TIPIN: variants seen among roughly 807,000 people sequenced by gnomAD.
TIPIN encodes TIMELESS interacting protein.
In TIPIN, 29 loss-of-function variants were observed where a neutral mutation model predicts 35.6. That is an observed-to-expected ratio of 0.82 (90% CI 0.61 to 1.11). The LOEUF (loss-of-function observed/expected upper bound fraction) is 1.11, where lower values mean the gene tolerates loss of function less well. Among genes scored for constraint, TIPIN ranks in the 50% most tolerant of loss-of-function variants. The pLI, the probability that TIPIN is intolerant of heterozygous loss-of-function variation, is 0.00. For missense variants in TIPIN, 296 were observed against 345.4 expected (o/e 0.86, Z 1.13); for synonymous variants, 102 against 121.5 (o/e 0.84, Z 1.06).
At chr15:66,355,843 T>A (rs573273412) in intron 1 of TIPIN, among the ~76,000 whole-genome samples, 177 of 152,300 alleles carry the variant, frequency 1.2e-3, no homozygotes, top group Admixed American at 3.1e-3. Flanking sequence ...CCTTTGAGGC[T>A]GACAGCGAGC....
At chr15:66,346,953 G>A (rs959872030) in intron 6 of TIPIN, among the ~76,000 whole-genome samples, 10 of 151,812 alleles carry the variant, frequency 6.6e-5, no homozygotes, top group Admixed American at 1.3e-4. Flanking sequence ...CACCACACCC[G>A]GCTAATTTTT....
At chr15:66,370,939 G>A (rs1011845703) in intron 1 of TIPIN, among the ~76,000 whole-genome samples, 5 of 152,148 alleles carry the variant, frequency 3.3e-5, no homozygotes, top group East Asian at 3.9e-4. Context: ...GGCCAGGCGC[G>A]GTGGCTCACA....
chr15:66,373,750 T>G (rs926269803), intron 1 of TIPIN, among the ~76,000 whole-genome samples: 4 of 152,106 alleles, frequency 2.6e-5, no homozygotes, highest in Non-Finnish European at 5.9e-5. Context: ...CAGGGTAGAG[T>G]GGAGTGCAAT....
rs1054482227 is a variant in TIPIN at position 66,379,138 on chromosome 15, C to G, written c.-9+7469G>C. The G allele has an allele frequency of 7.6e-6, 5 of 657,896 alleles. No individual in the cohort carries two copies. In the African/African-American group the frequency reaches 9.2e-5, roughly 12 times the overall value. 40.8% of individuals were successfully genotyped at this position (657,896 alleles called of 1,614,324 possible). On this transcript the variant is annotated intron_variant, in intron 1 of 7. Coordinates refer to the TIPIN transcript ENST00000562124. ...TCCTGGCGTTAAGCAATTGTCCCGC[C>G]TCTGCCTCCCAAAATGCTGGAATCA...
upstream of TIPIN, among the ~76,000 whole-genome samples, chr15:66,360,435 A>C (rs2093226266): frequency 6.6e-6 from 1 of 151,342 alleles, no homozygotes; most frequent in Admixed American, 6.6e-5. Flanking sequence ...GTAAAACCCC[A>C]TCGCTACAAA....
intron 1 of TIPIN, among the ~76,000 whole-genome samples, chr15:66,373,726 C>A (rs1321274512): frequency 6.6e-6 from 1 of 152,000 alleles, no homozygotes; most frequent in Admixed American, 6.6e-5. Context: ...GAGACAGAGT[C>A]TTGCTCTGTC....
intron 1 of TIPIN, among the ~76,000 whole-genome samples, chr15:66,365,762 G>C (rs778251017): frequency 3.9e-5 from 6 of 152,038 alleles, no homozygotes; most frequent in Non-Finnish European, 8.8e-5. Flanking sequence ...GGTCAGGCTG[G>C]TCTCGAACTC....
chr15:66,350,938 TAAAAAAAAA>T (rs35214451), intron 4 of TIPIN, among the ~76,000 whole-genome samples: 1 of 82,392 alleles, frequency 1.2e-5, no homozygotes, highest in East Asian at 3.3e-4. Context: ...GACTCCGTCT[TAAAAAAAAA>T]AAAAAAAAAA....
Position 66,336,878 on chromosome 15 carries a change from A to C in TIPIN, c.*80T>G. 1 of 1,217,166 alleles carries C rather than the reference A, an allele frequency of 8.2e-7. No homozygotes were observed. Among genetic ancestry groups the C allele is most frequent in the Non-Finnish European group, 1.2e-6 (1 of 856,416 alleles). The allele number at this position is 1,217,166 out of a possible 1,614,324, so 75.4% of individuals were successfully genotyped here. On this transcript the variant is annotated 3_prime_UTR_variant, in exon 8 of 8. Transcript: ENST00000261881. The stretch of plus-strand genomic sequence containing the variant: ...ACAGTTTTACTATCTAAGGATTTTC[A>C]CTCCAAGAAGAAAAAATACATAGTA...
chr15:66,359,866 T>C (rs75123902), upstream of TIPIN, among the ~76,000 whole-genome samples: 9,821 of 152,232 alleles, frequency 0.065, 1,050 homozygotes, highest in African/African-American at 0.22. Flanking sequence ...CTGATACTCT[T>C]GAAGGTTTAA....
rs548660799 is a variant in TIPIN at position 66,340,799 on chromosome 15, G to A, written c.682+351C>T. ...TTTAGTAGAGATGGGGTTTCATCATGTTGGCCAGGCTGGTCTTGAACTCCT... is the reference window on the plus strand; with the variant it reads ...TTTAGTAGAGATGGGGTTTCATCATATTGGCCAGGCTGGTCTTGAACTCCT... On this transcript the variant is annotated intron_variant, in intron 7 of 7. Coordinates refer to ENST00000261881, the MANE Select transcript of TIPIN (RefSeq NM_017858.3). Among the ~76,000 whole-genome samples the A allele has an allele frequency of 2.0e-5, 3 of 152,068 alleles. No homozygotes were observed. In the South Asian group the frequency reaches 6.2e-4, roughly 32 times the overall value.
intron 1 of TIPIN, among the ~76,000 whole-genome samples, chr15:66,364,740 G>A (rs1480357109): frequency 2.6e-5 from 4 of 151,970 alleles, no homozygotes; most frequent in Admixed American, 1.3e-4. Flanking sequence ...GCCGAGGCAG[G>A]CAGATCACCT....
At position 66,352,811 on chromosome 15, in the gene TIPIN, A is replaced by G. The variant is rs929540903; in HGVS notation, c.133+4T>C. 6.2e-7 allele frequency: 1 copy of G among 1,610,910 alleles called. No individual in the cohort carries two copies. Among genetic ancestry groups the G allele is most frequent in the African/African-American group, 1.3e-5 (1 of 74,756 alleles). ...GCCTCCTTTTTAAAACTCTCTATAC[A>G]TACCTTCATCAGGCTCAGTTCCTTC... On this transcript the variant is annotated splice_donor_region_variant and intron_variant, in intron 2 of 7. Coordinates refer to ENST00000261881, the MANE Select transcript of TIPIN (RefSeq NM_017858.3).
At chr15:66,337,775 T>TA (rs148027786) in intron 7 of TIPIN, among the ~76,000 whole-genome samples, 10,308 of 137,076 alleles carry the variant, frequency 0.075, 1,196 homozygotes, top group African/African-American at 0.25. Flanking sequence ...TCAAAAAAAA[T>TA]AAAATAAAAA....
At chr15:66,343,725 G>A (rs981947302) in intron 6 of TIPIN, among the ~76,000 whole-genome samples, 2 of 152,148 alleles carry the variant, frequency 1.3e-5, no homozygotes, top group Non-Finnish European at 2.9e-5. Flanking sequence ...TGAGCCAGGC[G>A]CAGTGGCCCA....
chr15:66,379,885 C>CG, intron 1 of TIPIN: 2 of 1,578,998 alleles, frequency 1.3e-6, no homozygotes, highest in Non-Finnish European at 1.7e-6. Flanking sequence ...TCTGGAATGT[C>CG]GACAGTCTGA....
intron 3 of TIPIN, among the ~76,000 whole-genome samples, 187 bp from the exon 4 acceptor site, chr15:66,351,787 C>T (rs1432219989): frequency 1.3e-5 from 2 of 151,912 alleles, no homozygotes; most frequent in Non-Finnish European, 2.9e-5. Flanking sequence ...CTACAGGCAC[C>T]CACCACTGCA....
rs1246768503 is a variant in TIPIN, at chr15:66,371,481, T to A, written c.-9+15126A>T. 3 of 688,640 alleles carry A rather than the reference T, an allele frequency of 4.4e-6. No individual in the cohort carries two copies. In the South Asian group the frequency reaches 2.0e-4, roughly 45 times the overall value. 42.7% of individuals were successfully genotyped at this position (688,640 alleles called of 1,614,324 possible). The stretch of plus-strand genomic sequence containing the variant: ...TTCTGGGAAAAAAAAAGTTTTTCCA[T>A]GAGTTTATTTATTTTTCTTTTCTCT... On this transcript the variant is annotated intron_variant, in intron 1 of 7. Transcript: ENST00000562124.
At chr15:66,345,817 A>C (rs2093120926) in intron 6 of TIPIN, among the ~76,000 whole-genome samples, 1 of 152,240 alleles carries the variant, frequency 6.6e-6, no homozygotes, top group Non-Finnish European at 1.5e-5. Flanking sequence ...CTGATCAAAA[A>C]AATTTGGAGA....
Sources: allele counts gnomAD v4.1 joint callset (sites outside exome capture counted in the v4.1 genomes callset), GRCh38; gene constraint gnomAD v4.1.1; transcripts MANE v1.5; gene names NCBI Gene and HGNC (gene_info 2026-07-23, HGNC 2026-07-21).